PARN: variants seen among roughly 807,000 people sequenced by gnomAD.
The protein encoded by PARN is poly(A)-specific ribonuclease.
Under a neutral mutation model 102.8 loss-of-function variants are expected in PARN, and 71 were observed. The observed-to-expected ratio is 0.69, with a 90% CI of 0.57 to 0.84. The LOEUF is 0.84. Ranked by LOEUF, PARN falls within the 40% of genes least tolerant of loss-of-function variation. The probability of loss-of-function intolerance (pLI) is 0.00; values close to 1 mark genes in which losing one functional copy is unlikely to be tolerated. For synonymous variants in PARN, 261 were observed against 252.9 expected (o/e 1.03, Z -0.30); for missense variants, 782 against 760.9 (o/e 1.03, Z -0.33).
chr16:14,450,100 A>G (rs1961385331), intron 22 of PARN, among the ~76,000 whole-genome samples: 1 of 152,274 alleles, frequency 6.6e-6, no homozygotes, highest in South Asian at 2.1e-4. Flanking sequence ...GCAACAGTAC[A>G]TACAATCAAT....
chr16:14,616,089 A>G (rs528533697), intron 6 of PARN, among the ~76,000 whole-genome samples: 6 of 152,140 alleles, frequency 3.9e-5, no homozygotes, highest in Admixed American at 6.6e-5. Flanking sequence ...GGGGGAAAAA[A>G]AACAAAATTT....
chr16:14,525,728 G>A (rs1372148437), intron 21 of PARN, among the ~76,000 whole-genome samples: 11 of 152,114 alleles, frequency 7.2e-5, no homozygotes, highest in Admixed American at 7.2e-4. Context: ...TTAATTGTAG[G>A]CTCCACCAGG....
chr16:14,629,345 C>CTT (rs1972880665), intron 2 of PARN, among the ~76,000 whole-genome samples: 1 of 152,216 alleles, frequency 6.6e-6, no homozygotes, highest in Non-Finnish European at 1.5e-5. Flanking sequence ...GTACACGCCG[C>CTT]ACTGTTTTAA....
chr16:14,533,627 C>T (rs2151674947), intron 21 of PARN, among the ~76,000 whole-genome samples: 2 of 152,316 alleles, frequency 1.3e-5, no homozygotes, highest in South Asian at 4.1e-4. Flanking sequence ...GTCCCACAAT[C>T]CACCACAGGT....
chr16:14,605,312 C>A (rs986288015), intron 10 of PARN, among the ~76,000 whole-genome samples: 1 of 152,192 alleles, frequency 6.6e-6, no homozygotes, highest in African/African-American at 2.4e-5. Context: ...TGAGCTAATG[C>A]ATTACAAACC....
At chr16:14,622,827 G>A (rs1048144199) in intron 5 of PARN, among the ~76,000 whole-genome samples, 3 of 152,146 alleles carry the variant, frequency 2.0e-5, no homozygotes, top group African/African-American at 7.2e-5. Context: ...ATGTAAGCCT[G>A]GCGCAGTGGT....
At chr16:14,625,039 C>T (rs148340462) in intron 5 of PARN, among the ~76,000 whole-genome samples, 1 of 152,058 alleles carries the variant, frequency 6.6e-6, no homozygotes, top group African/African-American at 2.4e-5. Context: ...AAGTGCCATC[C>T]CCAAGGTGTC....
intron 21 of PARN, among the ~76,000 whole-genome samples, chr16:14,489,338 G>A (rs1005866717): frequency 1.3e-5 from 2 of 151,572 alleles, no homozygotes; most frequent in Admixed American, 6.6e-5. Flanking sequence ...CCAGCTACTC[G>A]GGAGGCTGAG....
intron 22 of PARN, among the ~76,000 whole-genome samples, chr16:14,480,098 C>T (rs1284560974): frequency 6.6e-6 from 1 of 152,002 alleles, no homozygotes; most frequent in Non-Finnish European, 1.5e-5. Flanking sequence ...TTTGGGAGGC[C>T]GAGGCTGCCG....
At chr16:14,477,439 C>CAA (rs796238081) in intron 22 of PARN, among the ~76,000 whole-genome samples, 83 of 102,610 alleles carry the variant, frequency 8.1e-4, no homozygotes, top group Middle Eastern at 7.7e-3. Flanking sequence ...GAGTTCGTCT[C>CAA]AAAAAAAAAA....
At position 14,465,818 on chromosome 16, in the gene PARN, T is replaced by C. The variant is rs531989682; in HGVS notation, c.1670+16820A>G. 8.5e-5 allele frequency among the ~76,000 whole-genome samples: 13 copies of C among 152,306 alleles called. No individual in the cohort carries two copies. The South Asian group carries it at 2.7e-3, about 32-fold the overall frequency. ...CAGAGCTGAATCCTTACCTATCCTA[T>C]TTGTAAGTCAAAAGATAAACAGAAA... On this transcript the variant is annotated intron_variant, in intron 22 of 23. Transcript: ENST00000437198.
At chr16:14,611,643 C>A (rs1429854793) in intron 6 of PARN, among the ~76,000 whole-genome samples, 1 of 152,264 alleles carries the variant, frequency 6.6e-6, no homozygotes, top group African/African-American at 2.4e-5. Context: ...CAGGTTCAAG[C>A]AATTCTTCTG....
intron 21 of PARN, among the ~76,000 whole-genome samples, chr16:14,530,944 T>C (rs1567352677): frequency 6.6e-6 from 1 of 152,008 alleles, no homozygotes; most frequent in Non-Finnish European, 1.5e-5. Context: ...TTGTTATCTG[T>C]ATTCATTCAT....
intron 23 of PARN, among the ~76,000 whole-genome samples, chr16:14,438,244 G>A (rs1286156497): frequency 1.3e-5 from 2 of 152,088 alleles, no homozygotes; most frequent in Admixed American, 6.5e-5. Context: ...ATCCATTAAG[G>A]GCACTTTTAT....
intron 21 of PARN, among the ~76,000 whole-genome samples, chr16:14,537,781 G>A (rs1471066219): frequency 2.0e-5 from 3 of 152,158 alleles, no homozygotes; most frequent in African/African-American, 4.8e-5. Context: ...CGGAAGGGTA[G>A]AGGGAAGAGG....
At chr16:14,538,845 C>G (rs993878120) in intron 21 of PARN, among the ~76,000 whole-genome samples, 1 of 152,280 alleles carries the variant, frequency 6.6e-6, no homozygotes, top group South Asian at 2.1e-4. Flanking sequence ...CTAAGCTCCA[C>G]GTCCTGTCAG....
At chr16:14,470,027 T>A (rs1567300387) in intron 22 of PARN, among the ~76,000 whole-genome samples, 1 of 152,206 alleles carries the variant, frequency 6.6e-6, no homozygotes, top group African/African-American at 2.4e-5. Context: ...ATATAACACA[T>A]TGTTAGAAAC....
chr16:14,611,700 C>A (rs1004858706), intron 6 of PARN, among the ~76,000 whole-genome samples: 4 of 152,122 alleles, frequency 2.6e-5, no homozygotes, highest in African/African-American at 9.7e-5. Flanking sequence ...ACCATCACAC[C>A]AGGCTAATTT....
chr16:14,517,413 G>A lies in PARN; in HGVS notation c.1481-34586C>T, dbSNP rs1011601276. On this transcript the variant is annotated intron_variant, in intron 21 of 23. Coordinates refer to ENST00000437198, the MANE Select transcript of PARN (RefSeq NM_002582.4). ...CCACTGTCCCAGTAATCCCAGCTGA[G>A]ACACCAGAAGTGTGACTGACGTCAT... Among the ~76,000 whole-genome samples the A allele has an allele frequency of 5.9e-5, 9 of 152,334 alleles. No homozygotes were observed. In the East Asian group the frequency reaches 1.5e-3, roughly 26 times the overall value.
Sources: allele counts gnomAD v4.1 joint callset (sites outside exome capture counted in the v4.1 genomes callset), GRCh38; gene constraint gnomAD v4.1.1; transcripts MANE v1.5; gene names NCBI Gene and HGNC (gene_info 2026-07-23, HGNC 2026-07-21).